Variants in DMXL1 observed in about 807,000 individuals in gnomAD.
DMXL1 encodes the protein Dmx like 1, also known as dmX-like protein 1.
A neutral mutation model predicts 319.2 loss-of-function variants in DMXL1; 99 were observed. The ratio of observed to expected loss-of-function variants is 0.31; its 90% confidence interval spans 0.26 to 0.37. The LOEUF (loss-of-function observed/expected upper bound fraction) is 0.37. Ranked by LOEUF, DMXL1 falls within the 10% of genes least tolerant of loss-of-function variation. The pLI is 1.00. For missense variants in DMXL1, 3,745 were observed against 3,595.6 expected (o/e 1.04, Z -1.06); for synonymous variants, 1,385 against 1,235.2 (o/e 1.12, Z -2.54).
chr5:119,124,909 T>C (rs547029026), intron 9 of DMXL1, among the ~76,000 whole-genome samples: 1 of 152,274 alleles, frequency 6.6e-6, no homozygotes, highest in South Asian at 2.1e-4. Context: ...ATTTGCTTGT[T>C]ACCAAAATTT....
At chr5:119,187,078 A>T (rs1258756464) in intron 28 of DMXL1, among the ~76,000 whole-genome samples, 2 of 118,042 alleles carry the variant, frequency 1.7e-5, no homozygotes, top group Non-Finnish European at 4.3e-5. Context: ...GTATAATTTA[A>T]AAAAAAAAAA....
chr5:119,110,248 T>C lies in DMXL1; in HGVS notation c.462T>C (p.Leu154=). The C allele has an allele frequency of 6.3e-7, 1 of 1,580,606 alleles. No individual in the cohort carries two copies. The highest frequency in any genetic ancestry group is 8.5e-7 in the Non-Finnish European group (1 of 1,170,514). ...TEDENLNKTD[L]NFGDWKCIWH... is the part of the protein sequence containing the mutation. The stretch of plus-strand genomic sequence containing the variant: ...ATGAAAATTTAAATAAAACAGATCT[T>C]AACTTTGGAGATTGGAAATGCATTT... The change falls in exon 5 of 44, where the codon CTT becomes CTC. Residue 154 remains leucine, a synonymous_variant. Transcript: ENST00000539542.
chr5:119,077,738 A>G (rs1297423816), intron 1 of DMXL1, among the ~76,000 whole-genome samples: 1 of 118,746 alleles, frequency 8.4e-6, no homozygotes, highest in Non-Finnish European at 1.7e-5. Context: ...GTGTACATAT[A>G]TACATTTATT....
intron 1 of DMXL1, among the ~76,000 whole-genome samples, chr5:119,084,215 G>T (rs1342483732): frequency 6.6e-6 from 1 of 151,838 alleles, no homozygotes; most frequent in Non-Finnish European, 1.5e-5. Flanking sequence ...CTGCCTCCTG[G>T]GTTGAAGCAA....
At chr5:119,244,626 C>G in intron 43 of DMXL1, 50 bp downstream of exon 43, 1 of 1,414,412 alleles carries the variant, frequency 7.1e-7, no homozygotes, top group Non-Finnish European at 1.0e-6. Context: ...CTTCAGAAAC[C>G]TTAGCTCTTT....
intron 9 of DMXL1, among the ~76,000 whole-genome samples, chr5:119,123,202 CTG>C (rs1762615169): frequency 1.3e-5 from 2 of 151,826 alleles, no homozygotes; most frequent in Admixed American, 1.3e-4. Context: ...ACTCGGCAGG[CTG>C]AGGCAGGAGA....
chr5:119,164,197 TA>T (rs1162774431), intron 19 of DMXL1, among the ~76,000 whole-genome samples: 1 of 151,870 alleles, frequency 6.6e-6, no homozygotes, highest in African/African-American at 2.4e-5. Flanking sequence ...TATATCAACA[TA>T]AAATAATGCT....
intron 37 of DMXL1, among the ~76,000 whole-genome samples, chr5:119,223,521 T>C (rs902391516): frequency 3.9e-5 from 6 of 152,194 alleles, no homozygotes; most frequent in African/African-American, 1.4e-4. Context: ...AAATCTACCA[T>C]AGGCATAACA....
At chr5:119,101,028 G>A (rs1214838924) in intron 2 of DMXL1, among the ~76,000 whole-genome samples, 5 of 151,722 alleles carry the variant, frequency 3.3e-5, no homozygotes, top group Non-Finnish European at 7.4e-5. Context: ...TGATCCTCCC[G>A]CCTCGGCCTC....
chr5:119,076,370 AT>A (rs1288314555), intron 1 of DMXL1, among the ~76,000 whole-genome samples: 1 of 151,798 alleles, frequency 6.6e-6, no homozygotes, highest in Non-Finnish European at 1.5e-5. Flanking sequence ...TAGAAGTGTA[AT>A]TGCCAAATTG....
intron 1 of DMXL1, among the ~76,000 whole-genome samples, chr5:119,088,995 T>C: frequency 6.6e-6 from 1 of 151,886 alleles, no homozygotes; most frequent in East Asian, 1.9e-4. Flanking sequence ...ATTTTTTTTT[T>C]GCATATTAGT....
intron 19 of DMXL1, among the ~76,000 whole-genome samples, chr5:119,153,157 A>T (rs894072232): frequency 2.6e-5 from 4 of 151,964 alleles, no homozygotes; most frequent in Non-Finnish European, 4.4e-5. Flanking sequence ...TTGTATTTTT[A>T]ATAGAGATGG....
intron 35 of DMXL1, 118 bp downstream of exon 35, chr5:119,217,105 C>T: frequency 1.9e-6 from 1 of 535,800 alleles, no homozygotes; most frequent in Non-Finnish European, 3.2e-6. Context: ...CCTTAAATTG[C>T]AATCTGGATA....
At position 119,197,926 on chromosome 5, in the gene DMXL1, C is replaced by T. The variant is rs1779941719; in HGVS notation, c.7715C>T (p.Ala2572Val). ...GGTCCTGCAATTCTTCGCCACAAAG[C>T]TTTACTGGAACCTACAAACACTCCT... ...SAGPAILRHKALLEPTNTPFK... is the reference protein window; with the variant it reads ...SAGPAILRHKVLLEPTNTPFK... The change falls in exon 32 of 44, where the codon GCT becomes GTT. Residue 2572 changes from alanine to valine, a missense_variant. Ala to Val is a moderately conservative substitution (Grantham distance 64, BLOSUM62 0). This residue lies in a region of DMXL1 where 1,382 missense variants were observed against 1,269.5 expected (regional missense o/e 1.09). Transcript: ENST00000539542. The T allele has an allele frequency of 1.9e-6, 3 of 1,614,150 alleles. No homozygotes were observed. Among genetic ancestry groups the T allele is most frequent in the South Asian group, 1.1e-5 (1 of 91,088 alleles).
chr5:119,208,718 G>C (rs942858512), intron 34 of DMXL1, among the ~76,000 whole-genome samples: 1 of 152,016 alleles, frequency 6.6e-6, no homozygotes, highest in African/African-American at 2.4e-5. Flanking sequence ...AGGTATGCCT[G>C]ACCTAAAATA....
chr5:119,173,483 T>A (rs1775019870), intron 25 of DMXL1, among the ~76,000 whole-genome samples: 1 of 151,852 alleles, frequency 6.6e-6, no homozygotes, highest in Admixed American at 6.6e-5. Flanking sequence ...GACTCTCTCA[T>A]TCATCTTTGG....
In DMXL1 at chr5:119,071,223, G is replaced by A; in HGVS notation, c.-347G>A. 3.3e-6 allele frequency: 1 copy of A among 302,408 alleles called. No homozygotes were observed. The highest frequency in any genetic ancestry group is 3.0e-5 in the South Asian group (1 of 33,420). 18.7% of individuals were successfully genotyped at this position (302,408 alleles called of 1,614,324 possible). A position where few individuals can be genotyped will look rare whatever the true frequency, so the allele number is the denominator to read the frequency against. Reference sequence around the variant, plus strand: ...GTCAGGAGCGGCTGCCCGAGGTCCAGAGGAAGTGTGTGGACAGCGCGGCCT... The same window carrying A: ...GTCAGGAGCGGCTGCCCGAGGTCCAAAGGAAGTGTGTGGACAGCGCGGCCT... On this transcript the variant is annotated 5_prime_UTR_variant, in exon 1 of 44. Coordinates refer to ENST00000539542, the MANE Select transcript of DMXL1 (RefSeq NM_001290321.3).
intron 21 of DMXL1, among the ~76,000 whole-genome samples, chr5:119,166,362 A>G (rs1448195070): frequency 6.6e-6 from 1 of 152,216 alleles, no homozygotes; most frequent in Non-Finnish European, 1.5e-5. Context: ...CATGGATTTA[A>G]AAGTAATTTT....
Position 119,116,339 on chromosome 5 carries a change from C to G in DMXL1, c.743+3C>G, listed in dbSNP as rs1760835453. Reference sequence around the variant, plus strand: ...AAAACAAGCAAATATATGCCTAGGTCAGTGGATTGGTCATTTCCCTCCACA... The same window carrying G: ...AAAACAAGCAAATATATGCCTAGGTGAGTGGATTGGTCATTTCCCTCCACA... On this transcript the variant is annotated splice_donor_region_variant and intron_variant, in intron 7 of 43. Coordinates refer to ENST00000539542, the MANE Select transcript of DMXL1 (RefSeq NM_001290321.3). The G allele has an allele frequency of 1.2e-6, 2 of 1,612,218 alleles. No homozygotes were observed.
Sources: allele counts gnomAD v4.1 joint callset (sites outside exome capture counted in the v4.1 genomes callset), GRCh38; gene constraint gnomAD v4.1.1; regional missense constraint gnomAD v4.1.1; transcripts MANE v1.5; gene names NCBI Gene and HGNC (gene_info 2026-07-23, HGNC 2026-07-21).